DENND1A: variants seen among roughly 807,000 people sequenced by gnomAD.
DENND1A encodes DENN domain-containing protein 1A.
A neutral mutation model predicts 113.7 loss-of-function variants in DENND1A; 51 were observed. The observed-to-expected ratio is 0.45, with a 90% CI of 0.36 to 0.57. DENND1A has a LOEUF of 0.57. Ranked by LOEUF, DENND1A falls within the 20% of genes least tolerant of loss-of-function variation. The pLI, the probability that DENND1A is intolerant of heterozygous loss-of-function variation, is 0.00. For synonymous variants in DENND1A, 565 were observed against 570.8 expected, an observed-to-expected ratio of 0.99 and a Z score of 0.14; for missense variants, 1,258 against 1,395.9, an observed-to-expected ratio of 0.90 and a Z score of 1.57.
intron 19 of DENND1A, chr9:123,414,727 TG>T (rs2044584885): frequency 8.6e-7 from 1 of 1,162,820 alleles, no homozygotes; most frequent in Non-Finnish European, 1.2e-6. Context: ...ATACCACCCA[TG>T]AATATCCCCT....
At chr9:123,435,329 G>A (rs141720140) in intron 19 of DENND1A, among the ~76,000 whole-genome samples, 3 of 152,154 alleles carry the variant, frequency 2.0e-5, no homozygotes, top group African/African-American at 7.2e-5. Flanking sequence ...TGACCTGGCT[G>A]ATGACCCTGA....
At chr9:123,419,664 T>C (rs2045069629) in intron 19 of DENND1A, among the ~76,000 whole-genome samples, 1 of 152,248 alleles carries the variant, frequency 6.6e-6, no homozygotes, top group African/African-American at 2.4e-5. Flanking sequence ...ACTTTGGGAC[T>C]GGAAATCTGC....
chr9:123,698,545 A>G (rs990669463), intron 5 of DENND1A, among the ~76,000 whole-genome samples: 2 of 152,248 alleles, frequency 1.3e-5, no homozygotes, highest in Non-Finnish European at 2.9e-5. Context: ...CAGAGGGTTA[A>G]GTCACTGGAC....
At chr9:123,446,545 G>A (rs2047320139) in intron 18 of DENND1A, among the ~76,000 whole-genome samples, 1 of 151,286 alleles carries the variant, frequency 6.6e-6, no homozygotes, top group African/African-American at 2.4e-5. Flanking sequence ...AGCTCGATTT[G>A]TCTTTTAAAG....
At chr9:123,579,122 G>A (rs541181200) in intron 12 of DENND1A, among the ~76,000 whole-genome samples, 6 of 152,250 alleles carry the variant, frequency 3.9e-5, no homozygotes, top group South Asian at 2.1e-4. Flanking sequence ...AATGCCCTGC[G>A]GATCATAATT....
chr9:123,400,145 T>C (rs1426294606), intron 21 of DENND1A: 1 of 152,266 alleles, frequency 6.6e-6, no homozygotes, highest in Admixed American at 6.5e-5. Context: ...TAATGTTACC[T>C]GAAAAGTAAA....
At chr9:123,754,099 T>C (rs2070313219) in intron 5 of DENND1A, among the ~76,000 whole-genome samples, 1 of 152,220 alleles carries the variant, frequency 6.6e-6, no homozygotes, top group Non-Finnish European at 1.5e-5. Flanking sequence ...ATGAGCAGAC[T>C]TGAGCCACAG....
At chr9:123,749,176 G>C (rs775756236) in intron 5 of DENND1A, among the ~76,000 whole-genome samples, 2 of 152,140 alleles carry the variant, frequency 1.3e-5, no homozygotes, top group Non-Finnish European at 2.9e-5. Flanking sequence ...CAGCCAAAGA[G>C]CTTGGAACAA....
At chr9:123,702,252 C>T (rs1162312215) in intron 5 of DENND1A, among the ~76,000 whole-genome samples, 4 of 151,234 alleles carry the variant, frequency 2.6e-5, no homozygotes, top group Admixed American at 6.6e-5. Flanking sequence ...TGAAAATATA[C>T]AATCAGAGGA....
intron 1 of DENND1A, among the ~76,000 whole-genome samples, chr9:123,919,387 G>T (rs567198382): frequency 6.8e-6 from 1 of 147,640 alleles, no homozygotes; most frequent in South Asian, 2.2e-4. Context: ...CAGGAGAATC[G>T]CTTGAACCCA....
intron 22 of DENND1A, among the ~76,000 whole-genome samples, chr9:123,384,534 G>A (rs541991583): frequency 2.0e-5 from 3 of 152,316 alleles, no homozygotes; most frequent in South Asian, 4.1e-4. Flanking sequence ...GAGCAAATGC[G>A]GTGCCCGGCA....
At chr9:123,646,047 T>C (rs1262631010) in intron 9 of DENND1A, among the ~76,000 whole-genome samples, 2 of 152,250 alleles carry the variant, frequency 1.3e-5, no homozygotes, top group East Asian at 3.8e-4. Flanking sequence ...CAACAATCCC[T>C]GTCTTCATGA....
At chr9:123,446,346 C>T (rs1408205418) in intron 18 of DENND1A, among the ~76,000 whole-genome samples, 4 of 152,106 alleles carry the variant, frequency 2.6e-5, no homozygotes, top group South Asian at 2.1e-4. Context: ...TTTAATGTGT[C>T]GGGAGACAGG....
intron 4 of DENND1A, chr9:123,759,268 G>C (rs569238796): frequency 3.2e-4 from 49 of 152,390 alleles, no homozygotes; most frequent in African/African-American, 1.2e-3. Context: ...GCTAGAGCTT[G>C]TAGACAAATG....
intron 9 of DENND1A, among the ~76,000 whole-genome samples, chr9:123,637,274 T>C (rs1220957581): frequency 6.6e-6 from 1 of 152,226 alleles, no homozygotes; most frequent in Non-Finnish European, 1.5e-5. Flanking sequence ...AGGGAGGTCA[T>C]TCTTAAGTTT....
intron 2 of DENND1A, among the ~76,000 whole-genome samples, chr9:123,820,630 T>C (rs1229652988): frequency 6.6e-6 from 1 of 152,238 alleles, no homozygotes; most frequent in African/African-American, 2.4e-5. Flanking sequence ...ATCATTGTTG[T>C]GTTAAGTCAC....
chr9:123,481,356 C>T (rs1004392212), intron 13 of DENND1A, among the ~76,000 whole-genome samples: 12 of 152,182 alleles, frequency 7.9e-5, no homozygotes, highest in African/African-American at 2.4e-4. Flanking sequence ...CATAGCAACA[C>T]GTGGAAACAA....
At chr9:123,733,125 G>C (rs2068298679) in intron 5 of DENND1A, among the ~76,000 whole-genome samples, 1 of 151,954 alleles carries the variant, frequency 6.6e-6, no homozygotes. Context: ...GGGATTATAG[G>C]CACACGCCAC....
At chr9:123,874,200 TA>T (rs3050143) in intron 2 of DENND1A, among the ~76,000 whole-genome samples, 19,083 of 93,018 alleles carry the variant, frequency 0.21, 2,068 homozygotes, top group African/African-American at 0.38. Context: ...ATTTAAAAAG[TA>T]AAAAAAAAAA....
Sources: gnomAD v4.1 joint callset for allele counts (sites outside exome capture counted in the v4.1 genomes callset) on GRCh38, gnomAD v4.1.1 for gene constraint, MANE v1.5 for transcripts, NCBI Gene and HGNC (gene_info 2026-07-23, HGNC 2026-07-21) for gene names.